Variants in PRKCA observed in about 807,000 individuals in gnomAD.
PRKCA encodes protein kinase C alpha type.
PRKCA carries 27 observed loss-of-function variants against 87.0 expected under a neutral mutation model. The ratio of observed to expected loss-of-function variants is 0.31; its 90% confidence interval spans 0.23 to 0.43. PRKCA has a LOEUF of 0.43. Ranked by LOEUF, PRKCA falls within the 20% of genes least tolerant of loss-of-function variation. The probability of loss-of-function intolerance (pLI) is 1.00; values close to 1 mark genes in which losing one functional copy is unlikely to be tolerated. For synonymous variants in PRKCA, 329 were observed against 311.1 expected (o/e 1.06, Z -0.61); for missense variants, 518 against 852.3 (o/e 0.61, Z 4.88).
At chr17:66,459,206 C>CAAA (rs35784459) in intron 2 of PRKCA, among the ~76,000 whole-genome samples, 21 of 129,628 alleles carry the variant, frequency 1.6e-4, no homozygotes, top group African/African-American at 5.0e-4. Flanking sequence ...ATCCCTGTCT[C>CAAA]AAAAAAAAAA....
intron 3 of PRKCA, among the ~76,000 whole-genome samples, chr17:66,550,930 G>A (rs151139954): frequency 7.1e-4 from 108 of 152,232 alleles, no homozygotes; most frequent in African/African-American, 2.3e-3. Flanking sequence ...CTTATTAAAC[G>A]GCTTCTTTTC....
intron 3 of PRKCA, among the ~76,000 whole-genome samples, chr17:66,527,381 T>A (rs1323183719): frequency 2.6e-5 from 4 of 152,228 alleles, no homozygotes; most frequent in Non-Finnish European, 5.9e-5. Flanking sequence ...TTAAAGTTTA[T>A]AAGGCGACAA....
intron 3 of PRKCA, among the ~76,000 whole-genome samples, chr17:66,496,889 C>G (rs1441787532): frequency 6.6e-6 from 1 of 151,994 alleles, no homozygotes; most frequent in African/African-American, 2.4e-5. Flanking sequence ...GCAATCCACT[C>G]GTCTTGGCCT....
intron 3 of PRKCA, among the ~76,000 whole-genome samples, chr17:66,540,232 T>C (rs1192139316): frequency 6.6e-6 from 1 of 152,204 alleles, no homozygotes; most frequent in African/African-American, 2.4e-5. Context: ...GATTCATCAT[T>C]GTTGTTCAGG....
intron 3 of PRKCA, among the ~76,000 whole-genome samples, chr17:66,611,552 ATGGG>A (rs1970365019): frequency 1.3e-5 from 2 of 152,362 alleles, no homozygotes; most frequent in Admixed American, 6.5e-5. Context: ...ACTCCATTGT[ATGGG>A]TGTACCACAT....
chr17:66,469,947 G>A (rs920288526), intron 2 of PRKCA, among the ~76,000 whole-genome samples: 4 of 152,108 alleles, frequency 2.6e-5, no homozygotes, highest in South Asian at 2.1e-4. Context: ...TTGGGTTAGC[G>A]TTTTATTAGG....
chr17:66,583,604 A>C (rs1024468358), intron 3 of PRKCA, among the ~76,000 whole-genome samples: 8 of 152,150 alleles, frequency 5.3e-5, no homozygotes. Context: ...CAAAAAAAAA[A>C]AAAGTATCAC....
chr17:66,425,994 G>A (rs1052086123), intron 2 of PRKCA, among the ~76,000 whole-genome samples: 1 of 152,176 alleles, frequency 6.6e-6, no homozygotes, highest in East Asian at 1.9e-4. Flanking sequence ...GTCTGGGCAA[G>A]GGATGATGTA....
chr17:66,464,173 A>C (rs559595736), intron 2 of PRKCA, among the ~76,000 whole-genome samples: 1 of 152,064 alleles, frequency 6.6e-6, no homozygotes, highest in Non-Finnish European at 1.5e-5. Context: ...AGCAATATGC[A>C]TTTATGTTTT....
At chr17:66,396,379 C>T (rs577994854) in intron 2 of PRKCA, among the ~76,000 whole-genome samples, 19 of 152,208 alleles carry the variant, frequency 1.2e-4, no homozygotes, top group South Asian at 1.0e-3. Context: ...TTTTCCTTCA[C>T]GTGTAAAAGT....
At chr17:66,741,299 T>C (rs1446550531) in intron 11 of PRKCA, among the ~76,000 whole-genome samples, 1 of 152,138 alleles carries the variant, frequency 6.6e-6, no homozygotes, top group Non-Finnish European at 1.5e-5. Context: ...ATTCTGCCAG[T>C]GAATAGGAAA....
chr17:66,678,639 A>T (rs918015177), intron 5 of PRKCA, among the ~76,000 whole-genome samples: 1 of 151,048 alleles, frequency 6.6e-6, no homozygotes, highest in African/African-American at 2.5e-5. Flanking sequence ...TTCCTCCTGC[A>T]TAGGGCTAAA....
At chr17:66,765,484 ATATATTTGTCTTTATATATATATGTCTT>A (rs1200958459) in intron 13 of PRKCA, among the ~76,000 whole-genome samples, 17 of 141,094 alleles carry the variant, frequency 1.2e-4, no homozygotes, top group South Asian at 2.2e-4. Flanking sequence ...GTCCATATAT[ATATATTTGTCTTTATATATATATGTCTT>A]TATATTTGTC....
chr17:66,336,448 G>A (rs1236710647), intron 2 of PRKCA, among the ~76,000 whole-genome samples: 1 of 152,074 alleles, frequency 6.6e-6, no homozygotes, highest in Non-Finnish European at 1.5e-5. Flanking sequence ...TCCTTCCAGG[G>A]GATGAAATGG....
At chr17:66,357,012 G>A (rs1320117447) in intron 2 of PRKCA, among the ~76,000 whole-genome samples, 6 of 152,304 alleles carry the variant, frequency 3.9e-5, no homozygotes, top group Non-Finnish European at 5.9e-5. Context: ...ACTTGCCTCA[G>A]CCTCCCAAAG....
At chr17:66,528,598 G>C (rs1967430262) in intron 3 of PRKCA, among the ~76,000 whole-genome samples, 1 of 152,144 alleles carries the variant, frequency 6.6e-6, no homozygotes, top group Admixed American at 6.5e-5. Flanking sequence ...TACTGGAAAA[G>C]GCAAGGAAGC....
At chr17:66,394,196 C>T (rs9897870) in intron 2 of PRKCA, among the ~76,000 whole-genome samples, 2 of 152,000 alleles carry the variant, frequency 1.3e-5, no homozygotes, top group African/African-American at 4.8e-5. Context: ...AAAGAAATGT[C>T]TTTTTTTTGA....
At chr17:66,497,422 C>T (rs1567859245) in intron 3 of PRKCA, among the ~76,000 whole-genome samples, 1 of 151,122 alleles carries the variant, frequency 6.6e-6, no homozygotes, top group South Asian at 2.1e-4. Flanking sequence ...TTTGAACCCG[C>T]GAGGCAGAGG....
intron 14 of PRKCA, among the ~76,000 whole-genome samples, chr17:66,785,866 T>G (rs996100203): frequency 1.3e-5 from 2 of 152,232 alleles, no homozygotes; most frequent in Non-Finnish European, 2.9e-5. Context: ...TCTCGCTCTG[T>G]CACCCAGGCT....
Sources: gnomAD v4.1 joint callset for allele counts (sites outside exome capture counted in the v4.1 genomes callset) on GRCh38, gnomAD v4.1.1 for gene constraint, MANE v1.5 for transcripts, NCBI Gene and HGNC (gene_info 2026-07-23, HGNC 2026-07-21) for gene names.